Variants in ZNF695 observed in about 807,000 individuals in gnomAD.
The protein encoded by ZNF695 is zinc finger protein SBZF3.
A neutral mutation model predicts 11.2 loss-of-function variants in ZNF695; 11 were observed. That is an observed-to-expected ratio of 0.98 (90% CI 0.62 to 1.62). ZNF695 has a LOEUF of 1.62. ZNF695 is among the 40% of genes most tolerant of loss of function. ZNF695 has a pLI of 0.00. For synonymous variants in ZNF695, 190 were observed against 201.4 expected (o/e 0.94, Z 0.48); for missense variants, 559 against 590.5 (o/e 0.95, Z 0.55).
At chr1:246,961,363 TAA>T (rs1436466407) in intron 5 of ZNF695, among the ~76,000 whole-genome samples, 5 of 152,232 alleles carry the variant, frequency 3.3e-5, no homozygotes, top group African/African-American at 4.8e-5. Flanking sequence ...AGATACTCGA[TAA>T]AGTCTTTTAA....
At position 246,967,786 on chromosome 1, in the gene ZNF695, C is replaced by T. The variant is rs1265202536; in HGVS notation, c.397G>A (p.Glu133Lys). Reference sequence around the variant, plus strand: ...GGCAAAGGGGAAGCAAGCACATCTTCACATGGCTGGCAGGAGAGAGAGAGC... The same window carrying T: ...GGCAAAGGGGAAGCAAGCACATCTTTACATGGCTGGCAGGAGAGAGAGAGC... The change falls in exon 5 of 6, where the codon GAA (glutamate) becomes AAA (lysine). Residue 133 changes from glutamate (E) to lysine (K), a missense_variant. Transcript: ENST00000487338. 8 of 360,374 alleles carry T rather than the reference C, an allele frequency of 2.2e-5. No individual in the cohort carries two copies. In the Admixed American group the frequency reaches 2.9e-4, roughly 13 times the overall value. 22.3% of individuals were successfully genotyped at this position (360,374 alleles called of 1,614,324 possible). A position where few individuals can be genotyped will look rare whatever the true frequency, so the allele number is the denominator to read the frequency against.
chr1:246,977,191 A>G (rs973573013), intron 4 of ZNF695, among the ~76,000 whole-genome samples: 2 of 152,224 alleles, frequency 1.3e-5, no homozygotes, highest in Non-Finnish European at 1.5e-5. Context: ...ATCAGTGCCC[A>G]CTGGTATTTT....
In ZNF695 at chr1:246,987,085, G is replaced by A. The variant is rs749378674; in HGVS notation, c.1430C>T (p.Ser477Leu). The A allele has an allele frequency of 6.2e-6, 10 of 1,613,990 alleles. No homozygotes were observed. In the East Asian group the frequency reaches 2.0e-4, roughly 32 times the overall value. ...EECGKAFGQSSHLSKHKTIHT... is the reference protein window; with the variant it reads ...EECGKAFGQSLHLSKHKTIHT... ...AATTGTCTTATGTTTAGAAAGGTGTGAGCTCTGGCCAAAGGCTTTGCCACA... is the reference window on the plus strand; with the variant it reads ...AATTGTCTTATGTTTAGAAAGGTGTAAGCTCTGGCCAAAGGCTTTGCCACA... The change falls in exon 4 of 4, where the codon TCA becomes TTA. Residue 477 changes from serine (S) to leucine (L), a missense_variant. Transcript: ENST00000339986.
intron 3 of ZNF695, among the ~76,000 whole-genome samples, chr1:246,989,282 T>C (rs1668955910): frequency 6.6e-6 from 1 of 152,052 alleles, no homozygotes; most frequent in African/African-American, 2.4e-5. Flanking sequence ...AAAAATTAAA[T>C]GATGAACAAA....
rs1158852538 is a variant in ZNF695, at chr1:246,959,310, AATATATATATATATAT to A, written c.488+8369_488+8384del. Reference sequence around the variant, plus strand: ...AAAAAAAAAAAAAAAAAAAAAAAAAAATATATATATATATATATATATATATATATATATATATATA... The same window carrying A: ...AAAAAAAAAAAAAAAAAAAAAAAAAAATATATATATATATATATATATATA... On this transcript the variant is annotated intron_variant, in intron 5 of 5. Coordinates refer to the ZNF695 transcript ENST00000487338. Among the ~76,000 whole-genome samples, 172 of 51,240 alleles carry A rather than the reference AATATATATATATATAT, an allele frequency of 3.4e-3. 2 individuals carry two copies. The highest frequency in any genetic ancestry group is 0.011 in the African/African-American group (130 of 11,346). The allele number at this position is 51,240 out of a possible 152,430, so 33.6% of individuals were successfully genotyped here.
chr1:246,962,538 C>G (rs762516192), intron 5 of ZNF695, among the ~76,000 whole-genome samples: 15 of 152,186 alleles, frequency 9.9e-5, no homozygotes, highest in Non-Finnish European at 1.8e-4. Context: ...AGGTCCTCAT[C>G]ATTGATCATC....
At chr1:247,003,048 T>G (rs1057448236) in intron 1 of ZNF695, among the ~76,000 whole-genome samples, 54 of 152,186 alleles carry the variant, frequency 3.5e-4, no homozygotes, top group Non-Finnish European at 6.8e-4. Context: ...GTGGAAAGCA[T>G]TTTGGAGATT....
intron 5 of ZNF695, chr1:246,967,377 C>G (rs1342519114): frequency 4.4e-6 from 2 of 456,382 alleles, no homozygotes; most frequent in East Asian, 1.4e-4. Context: ...GTGGCCTGGA[C>G]AAGGGTGGGA....
chr1:247,007,835 GTTCCAGCCAA>G, intron 1 of ZNF695, 61 bp downstream of exon 1: 1 of 1,473,696 alleles, frequency 6.8e-7, no homozygotes. Context: ...GCCAGCGCTG[GTTCCAGCCAA>G]TTCCAACCGA....
At chr1:246,946,341 T>C (rs1002764495) in intron 5 of ZNF695, among the ~76,000 whole-genome samples, 25 of 152,100 alleles carry the variant, frequency 1.6e-4, no homozygotes, top group African/African-American at 5.8e-4. Context: ...CCTTTGCCTG[T>C]TCTTGCCTTG....
rs184363920 is a variant in ZNF695 at position 246,999,207 on chromosome 1, A to G, written c.259+141T>C. ...ACAGCATGAGATAGAAGATGCCCCT[A>G]TGTGGGAGCAAGAGAAAGAAACCCA... On this transcript the variant is annotated intron_variant, in intron 3 of 3. Transcript: ENST00000339986. The G allele has an allele frequency of 1.5e-5, 10 of 647,948 alleles. No homozygotes were observed. In the African/African-American group the frequency reaches 1.8e-4, roughly 12 times the overall value. 40.1% of individuals were successfully genotyped at this position (647,948 alleles called of 1,614,324 possible).
At chr1:246,962,411 T>C (rs561997628) in intron 5 of ZNF695, among the ~76,000 whole-genome samples, 72 of 152,352 alleles carry the variant, frequency 4.7e-4, no homozygotes, top group African/African-American at 1.7e-3. Flanking sequence ...CCTAGCCTCT[T>C]GCTCTGCCTC....
chr1:246,970,347 A>G (rs1415306362), intron 4 of ZNF695, among the ~76,000 whole-genome samples: 1 of 152,098 alleles, frequency 6.6e-6, no homozygotes, highest in Non-Finnish European at 1.5e-5. Context: ...CCCTACAATC[A>G]CTCCAGTTCT....
chr1:246,971,921 G>A (rs1325323326), intron 4 of ZNF695, among the ~76,000 whole-genome samples: 2 of 152,018 alleles, frequency 1.3e-5, no homozygotes, highest in Admixed American at 6.5e-5. Flanking sequence ...TCACCATCTT[G>A]AACTTCATCA....
At chr1:247,003,357 C>T (rs558212821) in intron 1 of ZNF695, among the ~76,000 whole-genome samples, 1 of 152,230 alleles carries the variant, frequency 6.6e-6, no homozygotes, top group Admixed American at 6.5e-5. Context: ...AACAGAGAAC[C>T]AAATACTGCA....
chr1:246,967,081 G>A lies in ZNF695; in HGVS notation c.488+614C>T, dbSNP rs909846539. ...AGCCTCCCCAGCAGCTGGGATTACA[G>A]GCATGCGCCACCATGCCTGGCTAAT... On this transcript the variant is annotated intron_variant, in intron 5 of 5. Coordinates refer to the ZNF695 transcript ENST00000487338. 2.6e-5 allele frequency among the ~76,000 whole-genome samples: 4 copies of A among 152,206 alleles called. No homozygotes were observed. In the South Asian group the frequency reaches 6.2e-4, roughly 24 times the overall value.
In ZNF695 at chr1:246,986,590, T is replaced by A; in HGVS notation, c.*377A>T. 9.9e-7 allele frequency: 1 copy of A among 1,005,504 alleles called. No homozygotes were observed. The highest frequency in any genetic ancestry group is 4.6e-5 in the South Asian group (1 of 21,928). 62.3% of individuals were successfully genotyped at this position (1,005,504 alleles called of 1,614,324 possible). ...ATTTACTGCATCTGTAAAACAGTTT[T>A]TAGTGTGAACACTCTGGTGTTTTCT... On this transcript the variant is annotated 3_prime_UTR_variant, in exon 4 of 4. Transcript: ENST00000339986.
chr1:246,953,485 C>T (rs1279690109), intron 5 of ZNF695, among the ~76,000 whole-genome samples: 1 of 152,074 alleles, frequency 6.6e-6, no homozygotes, highest in Non-Finnish European at 1.5e-5. Context: ...GTGGCACACG[C>T]CTGTAGTCCC....
chr1:246,998,296 GT>G (rs922896351), intron 3 of ZNF695, among the ~76,000 whole-genome samples: 7 of 152,138 alleles, frequency 4.6e-5, no homozygotes, highest in Non-Finnish European at 8.8e-5. Context: ...ACAAGTGGGA[GT>G]TTACTATATA....
Sources: allele counts gnomAD v4.1 joint callset (sites outside exome capture counted in the v4.1 genomes callset), GRCh38; gene constraint gnomAD v4.1.1; transcripts MANE v1.5; gene names NCBI Gene and HGNC (gene_info 2026-07-23, HGNC 2026-07-21).